The following CPEB4 variants were observed in gnomAD, a reference collection of about 807,000 sequenced individuals.
CPEB4 encodes cytoplasmic polyadenylation element binding protein 4.
In CPEB4, 12 loss-of-function variants were observed where a neutral mutation model predicts 72.5. The observed-to-expected ratio is 0.17, with a 90% CI of 0.11 to 0.27. CPEB4 has a LOEUF of 0.27. Among genes scored for constraint, CPEB4 ranks in the 10% least tolerant of loss-of-function variants. The probability of loss-of-function intolerance (pLI) is 1.00; values close to 1 mark genes in which losing one functional copy is unlikely to be tolerated. For synonymous variants in CPEB4, 302 were observed against 326.3 expected (o/e 0.93, Z 0.80); for missense variants, 614 against 908.5 (o/e 0.68, Z 4.17).
intron 9 of CPEB4, 36 bp downstream of exon 9, chr5:173,953,308 A>G (rs199518201): frequency 1.0e-5 from 14 of 1,405,172 alleles, no homozygotes; most frequent in Non-Finnish European, 1.3e-5. Flanking sequence ...AATTCTAGAA[A>G]TGGTCCTCTA....
intron 1 of CPEB4, among the ~76,000 whole-genome samples, chr5:173,899,706 C>A (rs1012007880): frequency 6.6e-6 from 1 of 152,156 alleles, no homozygotes; most frequent in Non-Finnish European, 1.5e-5. Flanking sequence ...CAGGACTGAG[C>A]TTTTATGGTT....
In CPEB4 at chr5:173,888,499, T is replaced by C. The variant is rs1285340896; in HGVS notation, c.-1235T>C. On this transcript the variant is annotated 5_prime_UTR_variant, in exon 1 of 10. Transcript: ENST00000265085. This position sits in a 1 kb window ranked among gnomAD's most constrained non-coding sequence, Gnocchi z 4.3. ...GAAAAAGAAGAACCAGGAGGAGTCCTCAACAACGACAGCGGGGACTGCGGG... is the reference window on the plus strand; with the variant it reads ...GAAAAAGAAGAACCAGGAGGAGTCCCCAACAACGACAGCGGGGACTGCGGG... The C allele has an allele frequency of 4.8e-6, 2 of 417,878 alleles. No homozygotes were observed. The highest frequency in any genetic ancestry group is 2.1e-5 in the African/African-American group (1 of 48,492). 25.9% of individuals were successfully genotyped at this position (417,878 alleles called of 1,614,324 possible). A position where few individuals can be genotyped will look rare whatever the true frequency, so the allele number is the denominator to read the frequency against.
intron 3 of CPEB4, among the ~76,000 whole-genome samples, chr5:173,938,692 C>T (rs990020138): frequency 6.6e-6 from 1 of 152,104 alleles, no homozygotes; most frequent in Non-Finnish European, 1.5e-5. Flanking sequence ...TTTTCATTGT[C>T]CACTAAAACA....
At chr5:173,908,435 A>G (rs1037854915) in intron 1 of CPEB4, among the ~76,000 whole-genome samples, 5 of 152,022 alleles carry the variant, frequency 3.3e-5, no homozygotes, top group Admixed American at 6.6e-5. Context: ...TAACCTTCCC[A>G]CCCCTGGGGG....
chr5:173,951,775 T>C, intron 7 of CPEB4, 49 bp from the exon 8 acceptor site: 1 of 1,085,890 alleles, frequency 9.2e-7, no homozygotes, highest in Non-Finnish European at 1.4e-6. Flanking sequence ...TTTTTGCCCA[T>C]GAATTGTCTG....
intron 2 of CPEB4, among the ~76,000 whole-genome samples, chr5:173,914,737 C>T (rs1417723498): frequency 6.6e-6 from 1 of 151,972 alleles, no homozygotes; most frequent in African/African-American, 2.4e-5. Context: ...GCCTGGGCAA[C>T]AGAAGAGAGA....
chr5:173,925,857 T>C (rs1343425389), intron 2 of CPEB4, among the ~76,000 whole-genome samples: 5 of 152,232 alleles, frequency 3.3e-5, no homozygotes, highest in African/African-American at 9.6e-5. Flanking sequence ...ACTGCAAATG[T>C]ATGTGTATGT....
In CPEB4 at chr5:173,956,433, G is replaced by A. The variant is rs974725653; in HGVS notation, c.*296G>A. On this transcript the variant is annotated 3_prime_UTR_variant, in exon 10 of 10. Transcript: ENST00000265085. ...CTGCAACATTTTCTTAGAGGAGAGA[G>A]AGAAATATTAAAAGAGAAATGAAAC... The A allele has an allele frequency of 3.4e-6, 1 of 297,400 alleles. No homozygotes were observed. Among genetic ancestry groups the A allele is most frequent in the East Asian group, 6.2e-5 (1 of 16,108 alleles). 18.4% of individuals were successfully genotyped at this position (297,400 alleles called of 1,614,324 possible). A position where few individuals can be genotyped will look rare whatever the true frequency, so the allele number is the denominator to read the frequency against.
intron 2 of CPEB4, among the ~76,000 whole-genome samples, chr5:173,917,877 T>G (rs1294004537): frequency 6.6e-6 from 1 of 152,246 alleles, no homozygotes; most frequent in South Asian, 2.1e-4. Flanking sequence ...ATTAAGTCTT[T>G]AAGACTCAGA....
In CPEB4 at chr5:173,943,017, G is replaced by C; in HGVS notation, c.1259-9G>C. 1 of 1,607,694 alleles carries C rather than the reference G, an allele frequency of 6.2e-7. No individual in the cohort carries two copies. Among genetic ancestry groups the C allele is most frequent in the Non-Finnish European group, 8.5e-7 (1 of 1,177,572 alleles). Reference sequence around the variant, plus strand: ...TTTTGTTTTTGTTTTTTTCTCATTTGACATGCAGCAAGGACATATGGGCGA... The same window carrying C: ...TTTTGTTTTTGTTTTTTTCTCATTTCACATGCAGCAAGGACATATGGGCGA... On this transcript the variant is annotated splice_polypyrimidine_tract_variant and intron_variant, in intron 3 of 9. Coordinates refer to ENST00000265085, the MANE Select transcript of CPEB4 (RefSeq NM_030627.4).
In CPEB4 at chr5:173,950,661, A is replaced by G. The variant is rs951481032; in HGVS notation, c.1665+583A>G. Among the ~76,000 whole-genome samples, 1 of 152,198 alleles carries G rather than the reference A, an allele frequency of 6.6e-6. No homozygotes were observed. The highest frequency in any genetic ancestry group is 2.4e-5 in the African/African-American group (1 of 41,470). Reference sequence around the variant, plus strand: ...AAAACCAGACTTCATTTGATAATGCATTTAATAAAATAGCAGAATCAACTC... The same window carrying G: ...AAAACCAGACTTCATTTGATAATGCGTTTAATAAAATAGCAGAATCAACTC... On this transcript the variant is annotated intron_variant, in intron 7 of 9. Coordinates refer to ENST00000265085, the MANE Select transcript of CPEB4 (RefSeq NM_030627.4). The surrounding 1 kb of genome is among the most constrained non-coding windows in gnomAD (Gnocchi z 5.0).
chr5:173,939,162 C>T (rs979724133), intron 3 of CPEB4, among the ~76,000 whole-genome samples: 1 of 152,070 alleles, frequency 6.6e-6, no homozygotes, highest in African/African-American at 2.4e-5. Context: ...AGATTTTATG[C>T]ATAGTCCCAC....
intron 1 of CPEB4, among the ~76,000 whole-genome samples, chr5:173,904,348 C>T (rs1756347132): frequency 1.3e-5 from 2 of 152,202 alleles, no homozygotes; most frequent in South Asian, 4.1e-4. Flanking sequence ...AGTACTGTTA[C>T]TACCACCAGT....
intron 1 of CPEB4, among the ~76,000 whole-genome samples, chr5:173,906,647 C>CCAAG (rs1288676034): frequency 1.3e-5 from 2 of 152,174 alleles, no homozygotes; most frequent in African/African-American, 4.8e-5. Flanking sequence ...TCTCAAAACA[C>CCAAG]CTTGCATCTA....
rs758092811 is a variant in CPEB4, at chr5:173,907,504, AAAC to A, written c.1126-3014_1126-3012del. Among the ~76,000 whole-genome samples the A allele has an allele frequency of 2.2e-4, 33 of 152,338 alleles. No individual in the cohort carries two copies. In the East Asian group the frequency reaches 6.4e-3, roughly 29 times the overall value. ...TTGCTTACTCTGTTAGTTGCATGAA[AAAC>A]AACACTAAACTTAATTCCTCCCCTC... On this transcript the variant is annotated intron_variant, in intron 1 of 9. Coordinates refer to ENST00000265085, the MANE Select transcript of CPEB4 (RefSeq NM_030627.4).
chr5:173,931,471 G>A (rs1757444738), intron 2 of CPEB4, among the ~76,000 whole-genome samples: 1 of 152,212 alleles, frequency 6.6e-6, no homozygotes, highest in South Asian at 2.1e-4. Flanking sequence ...TGGGACTATA[G>A]TAGAGAACTA....
At chr5:173,904,058 G>T (rs910361402) in intron 1 of CPEB4, among the ~76,000 whole-genome samples, 23 of 152,338 alleles carry the variant, frequency 1.5e-4, no homozygotes, top group Middle Eastern at 3.4e-3. Flanking sequence ...TTTAAGCATT[G>T]TGATAAAGTT....
intron 1 of CPEB4, among the ~76,000 whole-genome samples, chr5:173,895,822 T>G (rs1173428880): frequency 6.6e-6 from 1 of 152,110 alleles, no homozygotes; most frequent in Non-Finnish European, 1.5e-5. Flanking sequence ...CAGGGTAGAG[T>G]TTTTTTCTTT....
chr5:173,953,334 A>G (rs1281248701), intron 9 of CPEB4, 62 bp downstream of exon 9: 3 of 1,298,964 alleles, frequency 2.3e-6, no homozygotes, highest in Middle Eastern at 2.0e-4. Flanking sequence ...GTGATTACCA[A>G]TATTAGAACG....
Sources: allele counts gnomAD v4.1 joint callset (sites outside exome capture counted in the v4.1 genomes callset), GRCh38; gene constraint gnomAD v4.1.1; non-coding constraint Gnocchi (gnomAD v3.1); transcripts MANE v1.5; gene names NCBI Gene and HGNC (gene_info 2026-07-23, HGNC 2026-07-21).